The following MAP1B variants were observed in gnomAD, a reference collection of about 807,000 sequenced individuals.
MAP1B encodes microtubule-associated protein 1B.
In MAP1B, 12 loss-of-function variants were observed where a neutral mutation model predicts 176.1. The ratio of observed to expected loss-of-function variants is 0.07; its 90% CI spans 0.04 to 0.11. The LOEUF is 0.11. MAP1B is among the 10% of genes least tolerant of loss of function. MAP1B has a pLI of 1.00. For missense variants in MAP1B, 2,523 were observed against 2,990.5 expected, an observed-to-expected ratio of 0.84 and a Z score of 3.65; for synonymous variants, 1,044 against 1,135.0, an observed-to-expected ratio of 0.92 and a Z score of 1.61.
At chr5:72,134,211 T>G (rs1745789415) in intron 2 of MAP1B, among the ~76,000 whole-genome samples, 1 of 152,236 alleles carries the variant, frequency 6.6e-6, no homozygotes, top group Non-Finnish European at 1.5e-5. Context: ...CTTGGGGATA[T>G]AAACTTTGTA....
chr5:72,195,121 A>C lies in MAP1B; in HGVS notation c.1766A>C (p.Lys589Thr). The change falls in exon 5 of 7, where the codon AAA becomes ACA. Residue 589 changes from lysine (K) to threonine (T), a missense_variant. This residue lies in a region of MAP1B where 1,925 missense variants were observed against 2,126.0 expected (regional missense o/e 0.91). Transcript: ENST00000296755. ...GAAAGCAAAGAAAAGGTAATGGTGA[A>C]AAAAGACAAGCCAATAAAAACAGAG... Reference protein sequence around the residue: ...KVESKEKVMVKKDKPIKTETK... With the variant: ...KVESKEKVMVTKDKPIKTETK... 1 of 1,613,706 alleles carries C rather than the reference A, an allele frequency of 6.2e-7. No individual in the cohort carries two copies. Among genetic ancestry groups the C allele is most frequent in the Non-Finnish European group, 8.5e-7 (1 of 1,179,766 alleles).
At chr5:72,152,854 G>A (rs1746166937) in intron 2 of MAP1B, among the ~76,000 whole-genome samples, 5 of 152,178 alleles carry the variant, frequency 3.3e-5, no homozygotes, top group Admixed American at 3.3e-4. Flanking sequence ...TGGACATACA[G>A]TGGCTGCAGC....
chr5:72,196,308 T>A lies in MAP1B; in HGVS notation c.2953T>A (p.Tyr985Asn). Residue 985 changes from tyrosine to asparagine, a missense_variant, in exon 5 of 7, where the codon TAC becomes AAC. This residue lies in a region of MAP1B where 1,925 missense variants were observed against 2,126.0 expected (regional missense o/e 0.91). Coordinates refer to ENST00000296755, the MANE Select transcript of MAP1B (RefSeq NM_005909.5). The surrounding 1 kb of genome is among the most constrained non-coding windows in gnomAD (Gnocchi z 5.3). ...AAGTGCCAAGGCGGAGGCTGATGCA[T>A]ACATCAGGGAGAAGAGGGAGTCTGT... ...EESAKAEADA[Y>N]IREKRESVAS... 6.2e-7 allele frequency: 1 copy of A among 1,613,846 alleles called. No individual in the cohort carries two copies. The highest frequency in any genetic ancestry group is 8.5e-7 in the Non-Finnish European group (1 of 1,179,984).
intron 2 of MAP1B, among the ~76,000 whole-genome samples, chr5:72,158,157 T>C (rs1011949231): frequency 8.6e-5 from 13 of 151,650 alleles, no homozygotes; most frequent in Non-Finnish European, 1.2e-4. Flanking sequence ...TTCAGGTGCC[T>C]GCCACCTCGC....
In MAP1B at chr5:72,199,818, C is replaced by G. The variant is rs758543060; in HGVS notation, c.6463C>G (p.Pro2155Ala). The G allele has an allele frequency of 1.9e-6, 3 of 1,614,142 alleles. No individual in the cohort carries two copies. In the South Asian group the frequency reaches 3.3e-5, roughly 18 times the overall value. The stretch of plus-strand genomic sequence containing the variant: ...TCCCACCTCAGTCAGCGAGTCAGCC[C>G]CATCCCAGACCGACTCTGATGTTCC... ...TPPTSVSESA[P>A]SQTDSDVPPE... The change falls in exon 5 of 7, where the codon CCA becomes GCA. Residue 2155 changes from proline (P) to alanine (A), a missense_variant. By Grantham distance (27) the Pro-to-Ala change is conservative. Around this residue, in one of 4 missense-constraint regions of MAP1B, gnomAD observed 287 missense variants for 401.5 expected, o/e 0.71. Coordinates refer to ENST00000296755, the MANE Select transcript of MAP1B (RefSeq NM_005909.5). This position sits in a 1 kb window ranked among gnomAD's most constrained non-coding sequence, Gnocchi z 4.2.
chr5:72,177,014 C>T (rs959642154), intron 2 of MAP1B, among the ~76,000 whole-genome samples: 4 of 152,180 alleles, frequency 2.6e-5, no homozygotes, highest in African/African-American at 9.7e-5. Context: ...AGGTGGCCTT[C>T]TGTTTTCTGT....
At chr5:72,184,424 A>G (rs1271320602) in intron 3 of MAP1B, among the ~76,000 whole-genome samples, 1 of 152,240 alleles carries the variant, frequency 6.6e-6, no homozygotes, top group African/African-American at 2.4e-5. Context: ...TGGGGGTCAT[A>G]ATAGTTTCTA....
intron 2 of MAP1B, among the ~76,000 whole-genome samples, chr5:72,129,063 AT>A (rs918294467): frequency 6.6e-6 from 1 of 152,212 alleles, no homozygotes; most frequent in Non-Finnish European, 1.5e-5. Flanking sequence ...GAGAAGTGAG[AT>A]TTTTTTTAAA....
intron 2 of MAP1B, among the ~76,000 whole-genome samples, chr5:72,139,597 G>GT (rs1273805023): frequency 6.6e-6 from 1 of 152,172 alleles, no homozygotes; most frequent in East Asian, 1.9e-4. Flanking sequence ...TGGTTCAGTC[G>GT]TTTTTTAATA....
intron 2 of MAP1B, among the ~76,000 whole-genome samples, chr5:72,139,033 G>A (rs1343547711): frequency 2.0e-5 from 3 of 152,122 alleles, no homozygotes; most frequent in Non-Finnish European, 4.4e-5. Context: ...TATTCCTCAT[G>A]GAAATGAGAT....
Position 72,107,572 on chromosome 5 carries a change from C to T in MAP1B, c.41C>T (p.Ser14Phe). 2.5e-6 allele frequency: 4 copies of T among 1,588,642 alleles called. No homozygotes were observed. Among genetic ancestry groups the T allele is most frequent in the Non-Finnish European group, 3.4e-6 (4 of 1,173,406 alleles). Residue 14 changes from serine (S) to phenylalanine (F), a missense_variant, in exon 1 of 7, where the codon TCC becomes TTC. Ser to Phe is a radical substitution (Grantham distance 155, BLOSUM62 -2). Around this residue, in one of 4 missense-constraint regions of MAP1B, gnomAD observed 307 missense variants for 438.4 expected, o/e 0.70. Transcript: ENST00000296755. ...VVVEATEPEP[S>F]GSIANPAAST... Reference sequence around the variant, plus strand: ...GTGGAAGCCACCGAGCCGGAGCCGTCCGGCAGCATCGCCAACCCGGCGGCG... The same window carrying T: ...GTGGAAGCCACCGAGCCGGAGCCGTTCGGCAGCATCGCCAACCCGGCGGCG...
intron 5 of MAP1B, 124 bp from the exon 6 acceptor site, chr5:72,203,439 G>C (rs2111900545): frequency 1.4e-6 from 1 of 733,422 alleles, no homozygotes; most frequent in East Asian, 2.5e-5. Flanking sequence ...TCACCACTTT[G>C]CATGTCTCAG....
intron 2 of MAP1B, among the ~76,000 whole-genome samples, chr5:72,148,266 C>T (rs1746081160): frequency 6.6e-6 from 1 of 152,150 alleles, no homozygotes; most frequent in Non-Finnish European, 1.5e-5. Context: ...GCACAGGGCT[C>T]CTTAACATCC....
rs191952212 is a variant in MAP1B, at chr5:72,108,572, G to A, written c.184+857G>A. On this transcript the variant is annotated intron_variant, in intron 1 of 6. Transcript: ENST00000296755. ...GGAGGCCGAATAGCGGTACGCCGGG[G>A]ACCCTGGGCGGGGCCGTGAGGGTCC... 3.5e-3 allele frequency among the ~76,000 whole-genome samples: 532 copies of A among 152,322 alleles called. 1 individual carries two copies. The highest frequency in any genetic ancestry group is 0.012 in the African/African-American group (509 of 41,590).
At position 72,199,254 on chromosome 5, in the gene MAP1B, C is replaced by A. The variant is rs1168511953; in HGVS notation, c.5899C>A (p.Pro1967Thr). 12 of 1,614,000 alleles carry A rather than the reference C, an allele frequency of 7.4e-6. No individual in the cohort carries two copies. In the African/African-American group the frequency reaches 9.3e-5, roughly 13 times the overall value. The change falls in exon 5 of 7, where the codon CCC (proline) becomes ACC (threonine). Residue 1967 changes from proline (P) to threonine (T), a missense_variant. This residue lies in a region of MAP1B where 1,925 missense variants were observed against 2,126.0 expected (regional missense o/e 0.91). Transcript: ENST00000296755. The surrounding 1 kb of genome is among the most constrained non-coding windows in gnomAD (Gnocchi z 4.2). ...YDISEKTTSP[P>T]EVSGYSYEKT... ...CATAAGTGAAAAGACCACCAGCCCC[C>A]CCGAAGTGAGTGGTTACAGCTATGA...
At chr5:72,108,375 G>C (rs1745176370) in intron 1 of MAP1B, among the ~76,000 whole-genome samples, 1 of 152,226 alleles carries the variant, frequency 6.6e-6, no homozygotes, top group Non-Finnish European at 1.5e-5. Flanking sequence ...CCGCCCTTGG[G>C]GCCTTGGCTG....
At position 72,134,672 on chromosome 5, in the gene MAP1B, G is replaced by C. The variant is rs1745799480; in HGVS notation, c.286+18873G>C. ...CTCTGTAGTGGCACTCTATCAATTAGTGAAAGCGTCTGGGACACAAAGCAT... is the reference window on the plus strand; with the variant it reads ...CTCTGTAGTGGCACTCTATCAATTACTGAAAGCGTCTGGGACACAAAGCAT... On this transcript the variant is annotated intron_variant, in intron 2 of 6. Transcript: ENST00000296755. Among the ~76,000 whole-genome samples, 3 of 151,960 alleles carry C rather than the reference G, an allele frequency of 2.0e-5. 1 individual carries two copies. In the South Asian group the frequency reaches 6.3e-4, roughly 32 times the overall value.
intron 2 of MAP1B, among the ~76,000 whole-genome samples, chr5:72,174,777 C>A (rs1746615892): frequency 6.7e-6 from 1 of 149,644 alleles, no homozygotes; most frequent in African/African-American, 2.6e-5. Flanking sequence ...AGACTTGGAA[C>A]CCTGTCATTA....
chr5:72,173,208 C>A (rs1342705500), intron 2 of MAP1B, among the ~76,000 whole-genome samples: 1 of 152,166 alleles, frequency 6.6e-6, no homozygotes, highest in African/African-American at 2.4e-5. Flanking sequence ...TCTTATTCAG[C>A]CCTTTATGCA....
Sources: gnomAD v4.1 joint callset for allele counts (sites outside exome capture counted in the v4.1 genomes callset) on GRCh38, gnomAD v4.1.1 for gene constraint, gnomAD v4.1.1 regional missense constraint, Gnocchi (gnomAD v3.1) non-coding constraint, MANE v1.5 for transcripts, NCBI Gene and HGNC (gene_info 2026-07-23, HGNC 2026-07-21) for gene names.